TENM2: variants seen among roughly 807,000 people sequenced by gnomAD.
TENM2 encodes teneurin transmembrane protein 2.
In TENM2, 52 loss-of-function variants were observed where a neutral mutation model predicts 245.2. The observed-to-expected ratio is 0.21, with a 90% CI of 0.17 to 0.27. TENM2 has a LOEUF of 0.27. Among genes scored for constraint, TENM2 ranks in the 10% least tolerant of loss-of-function variants. TENM2 has a pLI of 1.00. For missense variants in TENM2, 3,046 were observed against 3,666.8 expected, an observed-to-expected ratio of 0.83 and a Z score of 4.37; for synonymous variants, 1,363 against 1,438.9, an observed-to-expected ratio of 0.95 and a Z score of 1.19.
intron 1 of TENM2, among the ~76,000 whole-genome samples, chr5:167,288,274 G>A (rs577988720): frequency 3.3e-5 from 5 of 152,094 alleles, no homozygotes; most frequent in Admixed American, 2.6e-4. Context: ...GAATAATGGC[G>A]AACAGGCGGG....
chr5:167,019,009 G>A, the TENM2 span, among the ~76,000 whole-genome samples: 2 of 152,138 alleles, frequency 1.3e-5, no homozygotes, highest in Non-Finnish European at 2.9e-5. Flanking sequence ...GCCTAAATTA[G>A]ATTCCTTCTC....
At chr5:167,297,077 T>C (rs1754986450) in intron 1 of TENM2, among the ~76,000 whole-genome samples, 2 of 152,214 alleles carry the variant, frequency 1.3e-5, no homozygotes, top group East Asian at 3.9e-4. Flanking sequence ...ATAAATAAAA[T>C]GTCTCAAGGG....
chr5:167,869,227 A>T (rs1772598661), intron 2 of TENM2, among the ~76,000 whole-genome samples: 1 of 152,248 alleles, frequency 6.6e-6, no homozygotes, highest in African/African-American at 2.4e-5. Flanking sequence ...CATTTGTAAA[A>T]GACAATTACG....
chr5:167,286,664 G>C (rs376178412), intron 1 of TENM2, among the ~76,000 whole-genome samples: 10 of 152,094 alleles, frequency 6.6e-5, no homozygotes, highest in East Asian at 5.8e-4. Flanking sequence ...CGTTGTTCCT[G>C]CATACGTTTT....
At chr5:167,735,363 T>A (rs1215362010) in intron 2 of TENM2, among the ~76,000 whole-genome samples, 1 of 152,258 alleles carries the variant, frequency 6.6e-6, no homozygotes, top group East Asian at 1.9e-4. Flanking sequence ...GTTGCTTCTT[T>A]GTGAAAATCA....
At chr5:167,352,263 G>A (rs571862554) in intron 1 of TENM2, among the ~76,000 whole-genome samples, 1 of 152,218 alleles carries the variant, frequency 6.6e-6, no homozygotes, top group South Asian at 2.1e-4. Context: ...GGCCCCCACT[G>A]TTCCTTATTG....
intron 25 of TENM2, 53 bp downstream of exon 27, chr5:168,228,183 T>C: frequency 7.1e-7 from 1 of 1,413,512 alleles, no homozygotes; most frequent in Non-Finnish European, 9.9e-7. Context: ...ATATACACTT[T>C]CCTCACAGAG....
chr5:167,480,389 TGTTTTGTA>T (rs1767680441), intron 2 of TENM2, among the ~76,000 whole-genome samples: 1 of 152,190 alleles, frequency 6.6e-6, no homozygotes, highest in South Asian at 2.1e-4. Context: ...AGTATTCCCC[TGTTTTGTA>T]GAAATTTCCA....
intron 2 of TENM2, among the ~76,000 whole-genome samples, chr5:167,664,815 T>G (rs1318919854): frequency 6.6e-6 from 1 of 152,184 alleles, no homozygotes; most frequent in Non-Finnish European, 1.5e-5. Flanking sequence ...TTTGTGATAT[T>G]GTCCTCAAAG....
At chr5:168,095,255 A>G (rs1460506280) in intron 8 of TENM2, among the ~76,000 whole-genome samples, 1 of 152,150 alleles carries the variant, frequency 6.6e-6, no homozygotes, top group African/African-American at 2.4e-5. Context: ...GCTGGTCTAC[A>G]TGTCCCTGGA....
chr5:167,897,774 A>G (rs756768699), intron 3 of TENM2, among the ~76,000 whole-genome samples: 1 of 152,130 alleles, frequency 6.6e-6, no homozygotes, highest in Non-Finnish European at 1.5e-5. Flanking sequence ...ACAGATATAT[A>G]GATATATAGA....
chr5:167,875,575 G>A (rs1773351465), intron 2 of TENM2, among the ~76,000 whole-genome samples: 1 of 152,112 alleles, frequency 6.6e-6, no homozygotes, highest in Non-Finnish European at 1.5e-5. Context: ...TTTCATTCTG[G>A]CTGCTGTGGA....
At chr5:167,728,572 C>G (rs1760195703) in intron 2 of TENM2, 1 of 152,266 alleles carries the variant, frequency 6.6e-6, no homozygotes, top group Non-Finnish European at 1.5e-5. Flanking sequence ...CCACTGCACT[C>G]CAGCCTGGGT....
intron 27 of TENM2, among the ~76,000 whole-genome samples, chr5:168,252,775 A>G (rs1365478698): frequency 1.3e-5 from 2 of 150,724 alleles, no homozygotes; most frequent in Non-Finnish European, 3.0e-5. Context: ...TTAACTTGGG[A>G]GGCAGAGATT....
At chr5:168,091,224 C>T (rs1408576146) in intron 8 of TENM2, among the ~76,000 whole-genome samples, 1 of 152,012 alleles carries the variant, frequency 6.6e-6, no homozygotes, top group East Asian at 1.9e-4. Context: ...TTAAGGGAAC[C>T]TCAAAATACT....
At chr5:167,325,144 C>G (rs142483585) in intron 1 of TENM2, among the ~76,000 whole-genome samples, 1 of 152,080 alleles carries the variant, frequency 6.6e-6, no homozygotes, top group Admixed American at 6.6e-5. Context: ...TAAATATAAA[C>G]CAATAAAATG....
chr5:167,602,654 T>A (rs925295019), intron 2 of TENM2, among the ~76,000 whole-genome samples: 3 of 152,192 alleles, frequency 2.0e-5, no homozygotes, highest in Admixed American at 6.5e-5. Flanking sequence ...CCATCTATTC[T>A]TTCAATTGAT....
At chr5:167,688,367 T>C (rs1392767946) in intron 2 of TENM2, among the ~76,000 whole-genome samples, 1 of 152,224 alleles carries the variant, frequency 6.6e-6, no homozygotes, top group East Asian at 1.9e-4. Flanking sequence ...TGATTCCATC[T>C]AAAAGAGCAT....
chr5:168,153,326 A>G lies in TENM2; in HGVS notation c.2423-9285A>G, dbSNP rs998167918. On this transcript the variant is annotated intron_variant, in intron 12 of 28. Coordinates refer to ENST00000518659, the Ensembl canonical transcript of TENM2. ...TTTCAAGGCTCCCAGGTGATTTGAA[A>G]GTGCGGCCCAGTTAAGACCCGTTGC... Among the ~76,000 whole-genome samples the G allele has an allele frequency of 2.0e-5, 3 of 152,208 alleles. No individual in the cohort carries two copies. The East Asian group carries it at 5.8e-4, about 29-fold the overall frequency.
Sources: allele counts gnomAD v4.1 joint callset (sites outside exome capture counted in the v4.1 genomes callset), GRCh38; gene constraint gnomAD v4.1.1; transcripts MANE v1.5; gene names NCBI Gene and HGNC (gene_info 2026-07-23, HGNC 2026-07-21).